ULK4: variants seen among roughly 807,000 people sequenced by gnomAD.
ULK4 encodes inactive serine/threonine-protein kinase ULK4.
In ULK4, 133 loss-of-function variants were observed where a neutral mutation model predicts 160.6. The ratio of observed to expected loss-of-function variants is 0.83; its 90% CI spans 0.72 to 0.96. The LOEUF (loss-of-function observed/expected upper bound fraction) is 0.96. ULK4 is among the 40% of genes least tolerant of loss of function. ULK4 has a pLI of 0.00. For synonymous variants in ULK4, 534 were observed against 539.8 expected, an observed-to-expected ratio of 0.99 and a Z score of 0.15; for missense variants, 1,580 against 1,499.5, an observed-to-expected ratio of 1.05 and a Z score of -0.89.
intron 31 of ULK4, among the ~76,000 whole-genome samples, chr3:41,604,613 A>G (rs1384703539): frequency 6.6e-6 from 1 of 152,146 alleles, no homozygotes. Context: ...CAGGCAGCAT[A>G]TATGAAGTTT....
Position 41,954,191 on chromosome 3 carries a change from A to AG in ULK4, c.138+430_138+431insC, listed in dbSNP as rs201728879. Reference sequence around the variant, plus strand: ...GACTCCGTCTTAAAAAAAAAAAAAAAAAAAGAAAAATACAAAAAATTAGCC... The same window carrying AG: ...GACTCCGTCTTAAAAAAAAAAAAAAAGAAAAGAAAAATACAAAAAATTAGCC... On this transcript the variant is annotated intron_variant, in intron 2 of 36. Transcript: ENST00000301831. Among the ~76,000 whole-genome samples, 790 of 150,462 alleles carry AG rather than the reference A, an allele frequency of 5.3e-3. 12 individuals carry two copies. In the East Asian group the frequency reaches 0.074, roughly 14 times the overall value.
At chr3:41,446,079 C>T (rs1484608158) in intron 34 of ULK4, among the ~76,000 whole-genome samples, 1 of 152,156 alleles carries the variant, frequency 6.6e-6, no homozygotes, top group African/African-American at 2.4e-5. Flanking sequence ...TGAACAGACA[C>T]TTCTCAAAAG....
At chr3:41,753,142 T>C (rs1184605838) in intron 22 of ULK4, among the ~76,000 whole-genome samples, 2 of 152,144 alleles carry the variant, frequency 1.3e-5, no homozygotes. Context: ...TTGGGCCTGG[T>C]GTGGGGATCG....
chr3:41,267,028 G>GC (rs1431813205), intron 35 of ULK4, among the ~76,000 whole-genome samples: 4 of 139,202 alleles, frequency 2.9e-5, no homozygotes, highest in Non-Finnish European at 4.7e-5. Context: ...TGGGGGGGGG[G>GC]GGTTTAAGGC....
At chr3:41,367,373 G>A (rs910481082) in intron 35 of ULK4, among the ~76,000 whole-genome samples, 1 of 152,218 alleles carries the variant, frequency 6.6e-6, no homozygotes, top group African/African-American at 2.4e-5. Flanking sequence ...CAATTCAGAG[G>A]AGGAACAGGG....
intron 1 of ULK4, among the ~76,000 whole-genome samples, chr3:41,956,697 G>C (rs1464935807): frequency 6.6e-6 from 1 of 152,122 alleles, no homozygotes; most frequent in Non-Finnish European, 1.5e-5. Context: ...CTAGACTGCA[G>C]GAGTCAATCC....
intron 4 of ULK4, among the ~76,000 whole-genome samples, chr3:41,932,854 G>A (rs1036188112): frequency 3.3e-5 from 5 of 152,064 alleles, no homozygotes; most frequent in Non-Finnish European, 7.4e-5. Context: ...GACCAGCCTG[G>A]CCAACATGGT....
At chr3:41,445,719 T>C (rs900132321) in intron 34 of ULK4, among the ~76,000 whole-genome samples, 10 of 152,112 alleles carry the variant, frequency 6.6e-5, no homozygotes, top group African/African-American at 2.4e-4. Flanking sequence ...ACACAAAAAT[T>C]AATTCAAGAT....
At chr3:41,578,987 T>C (rs1247633481) in intron 31 of ULK4, among the ~76,000 whole-genome samples, 1 of 152,218 alleles carries the variant, frequency 6.6e-6, no homozygotes, top group Admixed American at 6.5e-5. Context: ...GTATCTATTC[T>C]GGGACAAATA....
chr3:41,819,177 T>C (rs2041061657), intron 19 of ULK4, among the ~76,000 whole-genome samples: 1 of 152,222 alleles, frequency 6.6e-6, no homozygotes, highest in Admixed American at 6.5e-5. Flanking sequence ...TTAGTTACAT[T>C]GTTTATATAA....
At chr3:41,671,204 G>A (rs1256310988) in intron 29 of ULK4, among the ~76,000 whole-genome samples, 1 of 151,672 alleles carries the variant, frequency 6.6e-6, no homozygotes, top group Non-Finnish European at 1.5e-5. Context: ...AAAATACCAA[G>A]GTCATTTTTT....
chr3:41,629,147 T>G (rs892865446), intron 30 of ULK4, among the ~76,000 whole-genome samples: 1 of 152,164 alleles, frequency 6.6e-6, no homozygotes, highest in Non-Finnish European at 1.5e-5. Context: ...AGTTCATGGA[T>G]TCTGTGGGTC....
intron 32 of ULK4, among the ~76,000 whole-genome samples, chr3:41,563,348 T>C (rs549452979): frequency 2.0e-4 from 30 of 152,336 alleles, no homozygotes; most frequent in African/African-American, 7.0e-4. Context: ...GGGGTTGCTC[T>C]TCTCAAGGAG....
intron 18 of ULK4, among the ~76,000 whole-genome samples, chr3:41,829,942 T>A (rs1375105695): frequency 1.3e-5 from 2 of 151,760 alleles, no homozygotes; most frequent in Non-Finnish European, 2.9e-5. Context: ...GTGGTACATA[T>A]ACACCATGGA....
chr3:41,435,904 C>T (rs761948566), intron 34 of ULK4, among the ~76,000 whole-genome samples: 4 of 152,028 alleles, frequency 2.6e-5, no homozygotes, highest in Non-Finnish European at 5.9e-5. Flanking sequence ...GCAAAGATTG[C>T]GCCATTGTAC....
intron 31 of ULK4, among the ~76,000 whole-genome samples, chr3:41,595,615 G>A (rs1266380195): frequency 6.6e-6 from 1 of 152,176 alleles, no homozygotes; most frequent in Non-Finnish European, 1.5e-5. Context: ...TTGTACTAGG[G>A]AGGTGGGAGG....
intron 34 of ULK4, among the ~76,000 whole-genome samples, chr3:41,401,275 ATC>A (rs2082173293): frequency 6.6e-6 from 1 of 152,122 alleles, no homozygotes. Flanking sequence ...TATATTTTAC[ATC>A]TTTAATCCAC....
intron 31 of ULK4, among the ~76,000 whole-genome samples, chr3:41,600,399 T>C (rs2031980401): frequency 6.6e-6 from 1 of 152,166 alleles, no homozygotes; most frequent in Admixed American, 6.5e-5. Context: ...GAAGTATGGG[T>C]TGCACCTGTG....
chr3:41,780,254 G>C (rs2039788277), intron 21 of ULK4, among the ~76,000 whole-genome samples: 1 of 152,008 alleles, frequency 6.6e-6, no homozygotes, highest in African/African-American at 2.4e-5. Flanking sequence ...GTTTCAGTGA[G>C]CCAAGATCAC....
Sources: allele counts gnomAD v4.1 joint callset (sites outside exome capture counted in the v4.1 genomes callset), GRCh38; gene constraint gnomAD v4.1.1; transcripts MANE v1.5; gene names NCBI Gene and HGNC (gene_info 2026-07-23, HGNC 2026-07-21).